SPIN2A: variants seen among roughly 807,000 people sequenced by gnomAD.
The protein encoded by SPIN2A is spindlin-2A.
Under a neutral mutation model 9.2 loss-of-function variants are expected in SPIN2A, and 4 were observed. The observed-to-expected ratio is 0.44, with a 90% CI of 0.21 to 1.00. The LOEUF (loss-of-function observed/expected upper bound fraction) is 1.00. SPIN2A is among the 50% of genes least tolerant of loss of function. The pLI is 0.26. For synonymous variants in SPIN2A, 25 were observed against 61.2 expected (o/e 0.41, Z 2.76); for missense variants, 77 against 172.8 (o/e 0.45, Z 3.11).
chrX:57,138,227 A>G (rs1927894096), upstream of SPIN2A, among the ~76,000 whole-genome samples: 1 of 111,510 alleles, frequency 9.0e-6, no homozygotes, highest in Admixed American at 9.5e-5. Context: ...TGTGAGTTAC[A>G]GTTTTTCACA....
Position 57,136,180 on chromosome X carries a change from C to G in SPIN2A, c.418G>C (p.Glu140Gln). ...CTCCATTCATCCTTAGAACCATGCT[C>G]TCCCTCAAACATGTGTTCCACTGCT... ...GKAVEHMFEG[E>Q]HGSKDEWRGM... is the part of the protein sequence containing the mutation. Residue 140 changes from glutamate to glutamine, a missense_variant, in exon 2 of 2, where the codon GAG becomes CAG. Physicochemically the swap from Glu to Gln is conservative, Grantham distance 29. This residue lies in a region of SPIN2A where 17 missense variants were observed against 19.9 expected (regional missense o/e 0.85). Coordinates refer to ENST00000374906, the MANE Select transcript of SPIN2A (RefSeq NM_019003.5). The G allele has an allele frequency of 8.3e-7, 1 of 1,211,262 alleles. No individual in the cohort carries two copies. Among genetic ancestry groups the G allele is most frequent in the Non-Finnish European group, 1.1e-6 (1 of 895,463 alleles).
rs376149037 is a variant in SPIN2A at position 57,135,701 on chromosome X, G to C, written c.*120C>G. On this transcript the variant is annotated 3_prime_UTR_variant, in exon 2 of 2. Coordinates refer to ENST00000374906, the MANE Select transcript of SPIN2A (RefSeq NM_019003.5). ...TAGAGCAAAACAACAGTTAATGCTG[G>C]CAAAGATGTTTAGTTATCAGGGATT... is the stretch of plus-strand genomic sequence containing the variant. 1.8e-6 allele frequency: 2 copies of C among 1,116,870 alleles called. No homozygotes were observed. Among genetic ancestry groups the C allele is most frequent in the East Asian group, 6.3e-5 (2 of 31,994 alleles). 92.0% of individuals were successfully genotyped at this position (1,116,870 alleles called of 1,213,427 possible). A position where few individuals can be genotyped will look rare whatever the true frequency, so the allele number is the denominator to read the frequency against.
At chrX:57,139,239 G>T (rs548473704), upstream of SPIN2A, among the ~76,000 whole-genome samples, 2 of 112,250 alleles carry the variant, frequency 1.8e-5, no homozygotes, top group African/African-American at 6.5e-5. Flanking sequence ...TATATGGTGA[G>T]AGATAGATAT....
chrX:57,134,787 G>A (rs1927631369), downstream of SPIN2A: 1 of 111,914 alleles, frequency 8.9e-6, no homozygotes, highest in African/African-American at 3.3e-5. Flanking sequence ...CCCAGCACAT[G>A]TGGGGCACCA....
chrX:57,135,653 T>G lies in SPIN2A; in HGVS notation c.*168A>C. 3 of 1,043,447 alleles carry G rather than the reference T, an allele frequency of 2.9e-6. No individual in the cohort carries two copies. Among genetic ancestry groups the G allele is most frequent in the Non-Finnish European group, 3.8e-6 (3 of 791,533 alleles). The allele number at this position is 1,043,447 out of a possible 1,213,427, so 86.0% of individuals were successfully genotyped here. A position where few individuals can be genotyped will look rare whatever the true frequency, so the allele number is the denominator to read the frequency against. On this transcript the variant is annotated 3_prime_UTR_variant, in exon 2 of 2. Coordinates refer to ENST00000374906, the MANE Select transcript of SPIN2A (RefSeq NM_019003.5). ...CAAAGGGCTTACAGACAGCATGTCATGTATTCACAAATTTGTATTTTTTAG... is the reference window on the plus strand; with the variant it reads ...CAAAGGGCTTACAGACAGCATGTCAGGTATTCACAAATTTGTATTTTTTAG...
At chrX:57,145,116 C>T in the SPIN2A span, among the ~76,000 whole-genome samples, 7 of 111,524 alleles carry the variant, frequency 6.3e-5, no homozygotes, top group South Asian at 2.6e-3. Flanking sequence ...ACTTTTAGTT[C>T]CCTAAGGAAT....
At chrX:57,134,756 A>T (rs1927629794), downstream of SPIN2A, 1 of 111,754 alleles carries the variant, frequency 8.9e-6, no homozygotes, top group Non-Finnish European at 1.9e-5. Context: ...CGCAGGACAA[A>T]TGTGAGGAGG....
the SPIN2A span, among the ~76,000 whole-genome samples, chrX:57,145,854 G>A: frequency 9.9e-5 from 11 of 111,388 alleles, no homozygotes; most frequent in Non-Finnish European, 1.7e-4. Flanking sequence ...CTTTGTTGAA[G>A]TTCAGTTGGC....
chrX:57,134,970 T>A (rs1365467286), downstream of SPIN2A: 2 of 111,980 alleles, frequency 1.8e-5, no homozygotes, highest in African/African-American at 6.5e-5. Context: ...TCTTTGACAG[T>A]TGCCACTTCC....
upstream of SPIN2A, among the ~76,000 whole-genome samples, chrX:57,140,864 C>G (rs969579457): frequency 9.0e-6 from 1 of 111,328 alleles, no homozygotes; most frequent in South Asian, 3.8e-4. Flanking sequence ...GAAAAACTGC[C>G]TATCGAGTAC....
At chrX:57,137,224 C>T (rs1927842324) in intron 1 of SPIN2A, 36 bp downstream of exon 1, 14 of 760,247 alleles carry the variant, frequency 1.8e-5, no homozygotes, top group African/African-American at 2.3e-5. Context: ...CGTCCACCGC[C>T]GGGGATCGCG....
the SPIN2A span, among the ~76,000 whole-genome samples, chrX:57,143,262 T>G: frequency 3.6e-5 from 4 of 110,909 alleles, no homozygotes; most frequent in Non-Finnish European, 7.5e-5. Context: ...TTATATTTTT[T>G]GTATATTTGT....
chrX:57,139,155 A>T (rs772514966), upstream of SPIN2A, among the ~76,000 whole-genome samples: 8 of 111,936 alleles, frequency 7.1e-5, no homozygotes, highest in East Asian at 2.0e-3. Flanking sequence ...GCTTTTTCCC[A>T]AAGTTTTCTT....
upstream of SPIN2A, among the ~76,000 whole-genome samples, chrX:57,142,059 T>C (rs1001121776): frequency 1.8e-5 from 2 of 112,186 alleles, no homozygotes; most frequent in African/African-American, 3.2e-5. Context: ...AAAAGCCAGC[T>C]TTTTGTTTAA....
upstream of SPIN2A, among the ~76,000 whole-genome samples, chrX:57,138,707 C>G (rs1383165009): frequency 3.6e-5 from 4 of 111,655 alleles, no homozygotes; most frequent in Admixed American, 3.8e-4. Flanking sequence ...TCTTTCTTCA[C>G]TTCCTTACCA....
At chrX:57,141,661 AG>A (rs1311711885), upstream of SPIN2A, among the ~76,000 whole-genome samples, 1 of 111,631 alleles carries the variant, frequency 9.0e-6, no homozygotes. Flanking sequence ...CAATCTTGGT[AG>A]GTTGTATGTG....
the SPIN2A span, among the ~76,000 whole-genome samples, chrX:57,144,882 C>CTA: frequency 5.4e-3 from 557 of 103,387 alleles, 5 homozygotes; most frequent in South Asian, 0.018. Flanking sequence ...TAGTATTCCA[C>CTA]TATATATATA....
chrX:57,137,836 A>T (rs1464609294), upstream of SPIN2A, among the ~76,000 whole-genome samples: 2 of 111,675 alleles, frequency 1.8e-5, no homozygotes, highest in African/African-American at 6.5e-5. Flanking sequence ...GGAGACATGA[A>T]TCCTTTACGA....
At chrX:57,140,417 CAAAAAA>C (rs60570721), upstream of SPIN2A, among the ~76,000 whole-genome samples, 28 of 64,801 alleles carry the variant, frequency 4.3e-4, no homozygotes, top group East Asian at 3.1e-3. Flanking sequence ...CCATCTCTAC[CAAAAAA>C]AAAAAAAAAA....
Sources: allele counts gnomAD v4.1 joint callset (sites outside exome capture counted in the v4.1 genomes callset), GRCh38; gene constraint gnomAD v4.1.1; regional missense constraint gnomAD v4.1.1; transcripts MANE v1.5; gene names NCBI Gene and HGNC (gene_info 2026-07-23, HGNC 2026-07-21).